IL6R: variants seen among roughly 807,000 people sequenced by gnomAD.
IL6R encodes interleukin 6 receptor, also known as interleukin-6 receptor subunit alpha.
Under a neutral mutation model 48.3 loss-of-function variants are expected in IL6R, and 38 were observed. The observed-to-expected ratio is 0.79, with a 90% CI of 0.61 to 1.03. The LOEUF is 1.03. IL6R is among the 50% of genes least tolerant of loss of function. The pLI, the probability that IL6R is intolerant of heterozygous loss-of-function variation, is 0.00. For missense variants in IL6R, 534 were observed against 618.3 expected (o/e 0.86, Z 1.45); for synonymous variants, 264 against 256.2 (o/e 1.03, Z -0.29).
At chr1:154,457,340 AAAAAG>A (rs1690945349) in intron 9 of IL6R, among the ~76,000 whole-genome samples, 3 of 151,212 alleles carry the variant, frequency 2.0e-5, no homozygotes, top group African/African-American at 7.3e-5. Context: ...AAAAAAAAAA[AAAAAG>A]AAAAGAAAAG....
At chr1:154,458,658 T>C (rs980717032) in intron 9 of IL6R, among the ~76,000 whole-genome samples, 65 of 152,248 alleles carry the variant, frequency 4.3e-4, no homozygotes, top group Non-Finnish European at 6.8e-4. Flanking sequence ...CCCAGCACTT[T>C]GGGAGGCCAA....
intron 1 of IL6R, among the ~76,000 whole-genome samples, chr1:154,411,522 C>A (rs920476272): frequency 2.6e-5 from 4 of 152,084 alleles, no homozygotes; most frequent in Admixed American, 1.3e-4. Flanking sequence ...TATTCATATG[C>A]CTTTGGTCAG....
At chr1:154,434,885 G>A in intron 4 of IL6R, 105 bp from the exon 5 acceptor site, 1 of 1,301,014 alleles carries the variant, frequency 7.7e-7, no homozygotes, top group East Asian at 2.4e-5. Context: ...TGCATGGGGA[G>A]TGAACGGGGC....
rs148691732 is a variant in IL6R at position 154,462,444 on chromosome 1, G to C, written c.1161-2690G>C. On this transcript the variant is annotated intron_variant, in intron 9 of 9. Coordinates refer to ENST00000368485, the MANE Select transcript of IL6R (RefSeq NM_000565.4). Reference sequence around the variant, plus strand: ...GCTGGAATGCAATGGTGCGATCTCAGCTCACTGCAGCCTCCGCCTCCTGGG... The same window carrying C: ...GCTGGAATGCAATGGTGCGATCTCACCTCACTGCAGCCTCCGCCTCCTGGG... Among the ~76,000 whole-genome samples the C allele has an allele frequency of 6.9e-3, 1,035 of 149,982 alleles. 13 individuals carry two copies. Among genetic ancestry groups the C allele is most frequent in the African/African-American group, 0.024 (978 of 40,732 alleles).
At chr1:154,421,767 G>T (rs756723151) in intron 1 of IL6R, among the ~76,000 whole-genome samples, 2 of 152,154 alleles carry the variant, frequency 1.3e-5, no homozygotes, top group South Asian at 4.1e-4. Context: ...CCGCAGACAT[G>T]TGTCACCATG....
At chr1:154,431,857 G>C (rs1421795401) in intron 3 of IL6R, among the ~76,000 whole-genome samples, 1 of 152,204 alleles carries the variant, frequency 6.6e-6, no homozygotes, top group Non-Finnish European at 1.5e-5. Context: ...TTCATGTCCT[G>C]GGCGGGACGG....
intron 6 of IL6R, among the ~76,000 whole-genome samples, chr1:154,444,088 A>T (rs1204252186): frequency 6.6e-6 from 1 of 151,612 alleles, no homozygotes; most frequent in Non-Finnish European, 1.5e-5. Context: ...CTCCTCCCTC[A>T]TCCTCGCATT....
chr1:154,426,663 T>C (rs1028789475), intron 1 of IL6R, among the ~76,000 whole-genome samples: 3 of 152,236 alleles, frequency 2.0e-5, no homozygotes, highest in Middle Eastern at 3.4e-3. Context: ...TTGGTGGGCT[T>C]TCCTGGGTAT....
chr1:154,461,187 T>C (rs781648915), intron 9 of IL6R, among the ~76,000 whole-genome samples: 29 of 152,330 alleles, frequency 1.9e-4, no homozygotes, highest in Middle Eastern at 3.4e-3. Flanking sequence ...TACTGCTATC[T>C]ACTATGAGCT....
chr1:154,430,841 C>A (rs1225944168), intron 3 of IL6R, among the ~76,000 whole-genome samples: 1 of 152,162 alleles, frequency 6.6e-6, no homozygotes, highest in Non-Finnish European at 1.5e-5. Flanking sequence ...ATCACAACAG[C>A]TATGGGAAGT....
chr1:154,411,319 A>T (rs746121822), intron 1 of IL6R, among the ~76,000 whole-genome samples: 1 of 152,108 alleles, frequency 6.6e-6, no homozygotes, highest in Non-Finnish European at 1.5e-5. Context: ...CGGCCTCCCA[A>T]AGTGCTATAG....
intron 1 of IL6R, among the ~76,000 whole-genome samples, chr1:154,426,570 C>G (rs1240140837): frequency 6.6e-6 from 1 of 150,680 alleles, no homozygotes; most frequent in African/African-American, 2.4e-5. Context: ...CAGCAGAAGA[C>G]TATATTCAAA....
chr1:154,465,481 T>TGTGC lies in IL6R; in HGVS notation c.*103_*106dup. The TGTGC allele has an allele frequency of 7.2e-7, 1 of 1,397,792 alleles. No homozygotes were observed. The highest frequency in any genetic ancestry group is 1.0e-6 in the Non-Finnish European group (1 of 1,000,354). 86.6% of individuals were successfully genotyped at this position (1,397,792 alleles called of 1,614,324 possible). A position where few individuals can be genotyped will look rare whatever the true frequency, so the allele number is the denominator to read the frequency against. On this transcript the variant is annotated 3_prime_UTR_variant, in exon 10 of 10. Transcript: ENST00000368485. ...CTGCCATGCCAGCTTATCTCAGGGG[T>TGTGC]GTGCGGCCTTTGGCTTCACGGAAGA...
chr1:154,433,648 C>G (rs1689432887), intron 3 of IL6R, among the ~76,000 whole-genome samples: 1 of 152,210 alleles, frequency 6.6e-6, no homozygotes, highest in Non-Finnish European at 1.5e-5. Flanking sequence ...CCCCTCACCC[C>G]TCGTGCCAGG....
chr1:154,423,727 A>G (rs77302258), intron 1 of IL6R, among the ~76,000 whole-genome samples: 8,468 of 152,300 alleles, frequency 0.056, 334 homozygotes, highest in Non-Finnish European at 0.082. Flanking sequence ...TTTATAATTA[A>G]TCATTCCCTG....
chr1:154,447,974 G>T (rs1288523328), intron 6 of IL6R, 151 bp from the exon 7 acceptor site: 5 of 639,206 alleles, frequency 7.8e-6, no homozygotes, highest in Non-Finnish European at 1.4e-5. Flanking sequence ...CTCCCAAAGT[G>T]CTGGGATGAC....
rs1687668784 is a variant in IL6R, at chr1:154,405,750, G to A, written c.85+36G>A. ...CGGGCGCACCTGGAGGGCTGGGGCA[G>A]CTAGCGGCTGGGGGAAACCGCCTTG... is the stretch of plus-strand genomic sequence containing the variant. On this transcript the variant is annotated intron_variant, in intron 1 of 9. Coordinates refer to ENST00000368485, the MANE Select transcript of IL6R (RefSeq NM_000565.4). The surrounding 1 kb of genome is among the most constrained non-coding windows in gnomAD (Gnocchi z 5.2). 5 of 1,393,214 alleles carry A rather than the reference G, an allele frequency of 3.6e-6. No individual in the cohort carries two copies. Among genetic ancestry groups the A allele is most frequent in the African/African-American group, 1.5e-5 (1 of 65,560 alleles). 86.3% of individuals were successfully genotyped at this position (1,393,214 alleles called of 1,614,324 possible). A position where few individuals can be genotyped will look rare whatever the true frequency, so the allele number is the denominator to read the frequency against.
chr1:154,430,694 C>T, intron 3 of IL6R, 88 bp downstream of exon 3: 1 of 1,520,486 alleles, frequency 6.6e-7, no homozygotes, highest in Non-Finnish European at 9.0e-7. Flanking sequence ...GATTTCAAAA[C>T]ATTATCATTA....
chr1:154,405,528 T>TTTCC lies in IL6R; in HGVS notation c.-102_-101insTTCC. On this transcript the variant is annotated 5_prime_UTR_variant, in exon 1 of 10. Coordinates refer to ENST00000368485, the MANE Select transcript of IL6R (RefSeq NM_000565.4). This position sits in a 1 kb window ranked among gnomAD's most constrained non-coding sequence, Gnocchi z 5.2. ...GCTGCCCCCGGGGCCTGAGCCCGCC[T>TTTCC]GCCCGCCCACCGCCCCGCCCCGCCC... 2 of 383,378 alleles carry TTTCC rather than the reference T, an allele frequency of 5.2e-6. No homozygotes were observed. Among genetic ancestry groups the TTTCC allele is most frequent in the South Asian group, 2.3e-5 (1 of 42,694 alleles). The allele number at this position is 383,378 out of a possible 1,614,324, so 23.7% of individuals were successfully genotyped here.
Sources: gnomAD v4.1 joint callset for allele counts (sites outside exome capture counted in the v4.1 genomes callset) on GRCh38, gnomAD v4.1.1 for gene constraint, Gnocchi (gnomAD v3.1) non-coding constraint, MANE v1.5 for transcripts, NCBI Gene and HGNC (gene_info 2026-07-23, HGNC 2026-07-21) for gene names.